GADL1: variants seen among roughly 807,000 people sequenced by gnomAD.
GADL1 encodes the protein GAD like acidic amino acid decarboxylase 1.
A neutral mutation model predicts 69.5 loss-of-function variants in GADL1; 71 were observed. The ratio of observed to expected loss-of-function variants is 1.02; its 90% CI spans 0.84 to 1.25. The LOEUF is 1.25. Among genes scored for constraint, GADL1 ranks in the 50% most tolerant of loss-of-function variants. The pLI, the probability that GADL1 is intolerant of heterozygous loss-of-function variation, is 0.00. For synonymous variants in GADL1, 254 were observed against 214.4 expected, an observed-to-expected ratio of 1.18 and a Z score of -1.62; for missense variants, 737 against 631.8, an observed-to-expected ratio of 1.17 and a Z score of -1.79.
rs1305153735 is a variant in GADL1 at position 30,872,358 on chromosome 3, C to G, written c.38-10593G>C. On this transcript the variant is annotated intron_variant, in intron 1 of 14. Coordinates refer to ENST00000282538, the MANE Select transcript of GADL1 (RefSeq NM_207359.3). ...CTCTCCATTAACCACTGTCACCCCC[C>G]ATAGTCATAGTTTCTGTTGGCATTT... 4.0e-5 allele frequency among the ~76,000 whole-genome samples: 6 copies of G among 151,894 alleles called. No individual in the cohort carries two copies. The East Asian group carries it at 9.7e-4, about 25-fold the overall frequency.
chr3:30,873,963 C>T (rs1305928146), intron 1 of GADL1, among the ~76,000 whole-genome samples: 3 of 151,882 alleles, frequency 2.0e-5, no homozygotes, highest in African/African-American at 2.4e-5. Flanking sequence ...TTGGAAAGTA[C>T]ATATTGAGAA....
At chr3:30,801,931 C>T (rs755192801) in intron 11 of GADL1, among the ~76,000 whole-genome samples, 1 of 152,180 alleles carries the variant, frequency 6.6e-6, no homozygotes. Flanking sequence ...GTCCTTGAAC[C>T]ACTACATCCT....
chr3:30,854,612 T>C (rs1324715064), intron 4 of GADL1, 87 bp downstream of exon 4: 2 of 788,480 alleles, frequency 2.5e-6, no homozygotes, highest in Non-Finnish European at 4.2e-6. Context: ...AAAGAAACCA[T>C]TAAATAGAGA....
chr3:30,835,010 T>C (rs1697851500), intron 9 of GADL1, among the ~76,000 whole-genome samples: 1 of 152,098 alleles, frequency 6.6e-6, no homozygotes, highest in African/African-American at 2.4e-5. Context: ...AGGATAACTG[T>C]ATTGAGAGAA....
intron 14 of GADL1, among the ~76,000 whole-genome samples, chr3:30,771,006 C>T (rs987161752): frequency 2.0e-5 from 3 of 152,130 alleles, no homozygotes; most frequent in Admixed American, 6.5e-5. Flanking sequence ...TTGAAAGATG[C>T]TATTAAATAC....
intron 13 of GADL1, among the ~76,000 whole-genome samples, chr3:30,785,501 C>T (rs1348788675): frequency 6.6e-6 from 1 of 151,846 alleles, no homozygotes; most frequent in Non-Finnish European, 1.5e-5. Context: ...CCTGCCTCAG[C>T]CTCCCGAGTA....
intron 14 of GADL1, among the ~76,000 whole-genome samples, chr3:30,729,683 A>C (rs1364147494): frequency 1.3e-5 from 2 of 152,196 alleles, no homozygotes; most frequent in Non-Finnish European, 2.9e-5. Context: ...TCTGTTCCAA[A>C]GCTGATGAAA....
chr3:30,800,806 GACACACACAC>G (rs35529398), intron 12 of GADL1, 73 bp downstream of exon 12: 32,349 of 715,344 alleles, frequency 0.045, 176 homozygotes, highest in African/African-American at 0.07. Context: ...GACACAGATA[GACACACACAC>G]ACACACACAC....
At chr3:30,862,696 T>TC (rs1698339326) in intron 1 of GADL1, among the ~76,000 whole-genome samples, 2 of 152,002 alleles carry the variant, frequency 1.3e-5, no homozygotes, top group Non-Finnish European at 2.9e-5. Context: ...CTAAGAGGGA[T>TC]CACCTGGTCA....
At chr3:30,883,554 T>C (rs548362108) in intron 1 of GADL1, among the ~76,000 whole-genome samples, 6 of 152,152 alleles carry the variant, frequency 3.9e-5, no homozygotes, top group African/African-American at 1.2e-4. Flanking sequence ...TGTAGCTTTG[T>C]AGTGTTTTCA....
At chr3:30,876,066 A>G (rs1035588504) in intron 1 of GADL1, among the ~76,000 whole-genome samples, 6 of 151,970 alleles carry the variant, frequency 3.9e-5, no homozygotes, top group Non-Finnish European at 5.9e-5. Context: ...TCCTGCTACA[A>G]TTGTGTGTAA....
chr3:30,801,171 G>A (rs901782792), intron 11 of GADL1, 83 bp from the exon 12 acceptor site: 7 of 989,310 alleles, frequency 7.1e-6, no homozygotes, highest in Non-Finnish European at 1.1e-5. Flanking sequence ...CACACACAAT[G>A]TGTATATTCT....
At chr3:30,790,262 C>A (rs961642343) in intron 12 of GADL1, among the ~76,000 whole-genome samples, 6 of 152,160 alleles carry the variant, frequency 3.9e-5, no homozygotes, top group African/African-American at 1.4e-4. Context: ...GCAGTCAGAA[C>A]ACACTCAATA....
At chr3:30,792,271 C>G (rs1180411461) in intron 12 of GADL1, among the ~76,000 whole-genome samples, 1 of 152,128 alleles carries the variant, frequency 6.6e-6, no homozygotes, top group African/African-American at 2.4e-5. Context: ...TGATTTTTGT[C>G]TATGCTTAGA....
chr3:30,877,114 T>C (rs530212491), intron 1 of GADL1, among the ~76,000 whole-genome samples: 4 of 152,042 alleles, frequency 2.6e-5, no homozygotes, highest in African/African-American at 9.6e-5. Context: ...TATACCCAGT[T>C]CTACAAATAT....
chr3:30,760,186 C>T (rs1696094123), intron 14 of GADL1, among the ~76,000 whole-genome samples: 1 of 152,128 alleles, frequency 6.6e-6, no homozygotes, highest in African/African-American at 2.4e-5. Flanking sequence ...AAGTTTAATG[C>T]TTCCCTGTAG....
intron 11 of GADL1, among the ~76,000 whole-genome samples, chr3:30,815,519 A>C (rs1198991938): frequency 5.3e-5 from 8 of 152,166 alleles, no homozygotes; most frequent in Non-Finnish European, 1.2e-4. Flanking sequence ...ATCCTGGGGG[A>C]GAGTGACTAT....
At position 30,839,032 on chromosome 3, in the gene GADL1, T is replaced by A. The variant is rs1274036390; in HGVS notation, c.868A>T (p.Ile290Phe). 5 of 1,606,070 alleles carry A rather than the reference T, an allele frequency of 3.1e-6. No individual in the cohort carries two copies. Among genetic ancestry groups the A allele is most frequent in the Non-Finnish European group, 4.2e-6 (5 of 1,176,758 alleles). The change falls in exon 9 of 15, where the codon ATC becomes TTC. Residue 290 changes from isoleucine (I) to phenylalanine (F), a missense_variant. Ile to Phe is a conservative substitution (Grantham distance 21, BLOSUM62 0). Transcript: ENST00000282538. ...AFDPLDEIAD[I>F]CERHSLWLHV... is the part of the protein sequence containing the mutation. ...AGCCAGAGGCTGTGCCTCTCGCAGA[T>A]GTCTGCTATTTCATCCAGAGGGTCA...
At chr3:30,811,700 AG>A (rs1697358983) in intron 11 of GADL1, among the ~76,000 whole-genome samples, 1 of 152,210 alleles carries the variant, frequency 6.6e-6, no homozygotes, top group Admixed American at 6.5e-5. Flanking sequence ...GTTAATTTAA[AG>A]GAAAAAAATA....
Sources: gnomAD v4.1 joint callset for allele counts (sites outside exome capture counted in the v4.1 genomes callset) on GRCh38, gnomAD v4.1.1 for gene constraint, MANE v1.5 for transcripts, NCBI Gene and HGNC (gene_info 2026-07-23, HGNC 2026-07-21) for gene names.